The following EBF1 variants were observed in gnomAD, a reference collection of about 807,000 sequenced individuals.
EBF1 encodes the protein transcription factor COE1.
EBF1 carries 10 observed loss-of-function variants against 68.4 expected under a neutral mutation model. The ratio of observed to expected loss-of-function variants is 0.15; its 90% confidence interval spans 0.09 to 0.25. The LOEUF (loss-of-function observed/expected upper bound fraction) is 0.25. Among genes scored for constraint, EBF1 ranks in the 10% least tolerant of loss-of-function variants. EBF1 has a pLI of 1.00. For missense variants in EBF1, 509 were observed against 794.4 expected, an observed-to-expected ratio of 0.64 and a Z score of 4.32; for synonymous variants, 298 against 299.8, an observed-to-expected ratio of 0.99 and a Z score of 0.06.
chr5:158,810,231 C>T (rs1173541465), intron 8 of EBF1, among the ~76,000 whole-genome samples: 1 of 152,156 alleles, frequency 6.6e-6, no homozygotes, highest in African/African-American at 2.4e-5. Context: ...GATATATCCC[C>T]CTCACCCACC....
intron 6 of EBF1, among the ~76,000 whole-genome samples, chr5:159,014,399 C>T (rs986543610): frequency 1.3e-5 from 2 of 152,148 alleles, no homozygotes; most frequent in African/African-American, 4.8e-5. Flanking sequence ...TTAAATGATG[C>T]CAACTATAGG....
chr5:158,713,300 C>T (rs1759869732), intron 12 of EBF1, among the ~76,000 whole-genome samples, 153 bp from the exon 13 acceptor site: 1 of 152,152 alleles, frequency 6.6e-6, no homozygotes, highest in Non-Finnish European at 1.5e-5. Flanking sequence ...ATTAGTCTCA[C>T]CATCATCATG....
chr5:158,924,614 A>G (rs538795243), intron 6 of EBF1, among the ~76,000 whole-genome samples: 1 of 152,192 alleles, frequency 6.6e-6, no homozygotes, highest in African/African-American at 2.4e-5. Context: ...GCAGTTTGGA[A>G]GGCCGAGGCG....
intron 6 of EBF1, among the ~76,000 whole-genome samples, chr5:159,037,755 A>T (rs974942063): frequency 6.6e-6 from 1 of 151,236 alleles, no homozygotes; most frequent in African/African-American, 2.4e-5. Flanking sequence ...ATGTATACAT[A>T]TGTAACTAAC....
At chr5:158,846,885 G>T (rs1168466328) in intron 6 of EBF1, among the ~76,000 whole-genome samples, 1 of 152,160 alleles carries the variant, frequency 6.6e-6, no homozygotes, top group Non-Finnish European at 1.5e-5. Context: ...CAATCATTCT[G>T]TTTGAGAGGT....
intron 6 of EBF1, among the ~76,000 whole-genome samples, chr5:158,963,463 C>G (rs1318855339): frequency 1.3e-5 from 2 of 152,182 alleles, no homozygotes; most frequent in African/African-American, 4.8e-5. Flanking sequence ...CTCCGAAGTC[C>G]ATGACAAAGG....
chr5:158,714,531 G>A (rs139940529), intron 11 of EBF1, among the ~76,000 whole-genome samples: 185 of 152,228 alleles, frequency 1.2e-3, no homozygotes, highest in Non-Finnish European at 2.4e-3. Flanking sequence ...GAATCCCTAA[G>A]ATGTGTTTAT....
At chr5:158,789,698 G>A (rs148816795) in intron 9 of EBF1, among the ~76,000 whole-genome samples, 57 of 152,228 alleles carry the variant, frequency 3.7e-4, no homozygotes, top group African/African-American at 1.3e-3. Flanking sequence ...ATACTTGACT[G>A]AAAAAAGGTT....
chr5:158,883,197 T>C (rs1799229221), intron 6 of EBF1, among the ~76,000 whole-genome samples: 1 of 152,148 alleles, frequency 6.6e-6, no homozygotes, highest in Non-Finnish European at 1.5e-5. Flanking sequence ...TGTATATACA[T>C]GTATGCATAG....
chr5:159,060,188 C>CTAAAAA (rs1409724662), intron 6 of EBF1, among the ~76,000 whole-genome samples: 5 of 151,986 alleles, frequency 3.3e-5, no homozygotes, highest in Non-Finnish European at 7.4e-5. Flanking sequence ...TATGGAAATC[C>CTAAAAA]TAAAAATAAA....
At chr5:158,778,145 T>C (rs1167158793) in intron 9 of EBF1, among the ~76,000 whole-genome samples, 1 of 152,062 alleles carries the variant, frequency 6.6e-6, no homozygotes, top group African/African-American at 2.4e-5. Context: ...AAGGGAAGGC[T>C]GGGGAGGCTG....
At chr5:158,984,015 G>T (rs756148526) in intron 6 of EBF1, among the ~76,000 whole-genome samples, 122 of 151,314 alleles carry the variant, frequency 8.1e-4, no homozygotes, top group Non-Finnish European at 7.4e-4. Context: ...TAAAATGCTG[G>T]TTACTGTTAT....
At chr5:159,094,939 T>C (rs1458974800) in intron 4 of EBF1, among the ~76,000 whole-genome samples, 1 of 152,198 alleles carries the variant, frequency 6.6e-6, no homozygotes. Flanking sequence ...TCAACCTTAA[T>C]GTATACTGCT....
At chr5:158,894,723 C>T (rs1215743678) in intron 6 of EBF1, among the ~76,000 whole-genome samples, 2 of 152,166 alleles carry the variant, frequency 1.3e-5, no homozygotes, top group African/African-American at 4.8e-5. Flanking sequence ...GACAGGTAAT[C>T]CAACGTCCCT....
intron 6 of EBF1, among the ~76,000 whole-genome samples, chr5:158,948,713 C>T (rs919200524): frequency 1.3e-5 from 2 of 152,224 alleles, no homozygotes; most frequent in Non-Finnish European, 2.9e-5. Flanking sequence ...CTCCAGTCTC[C>T]AGCCCTGCTC....
At chr5:158,928,524 A>C (rs1047911171) in intron 6 of EBF1, among the ~76,000 whole-genome samples, 2 of 152,206 alleles carry the variant, frequency 1.3e-5, no homozygotes, top group African/African-American at 4.8e-5. Context: ...GAGCTATAAC[A>C]CTGTCAGGCT....
intron 4 of EBF1, among the ~76,000 whole-genome samples, chr5:159,091,361 A>G (rs567683100): frequency 6.6e-6 from 1 of 152,280 alleles, no homozygotes; most frequent in African/African-American, 2.4e-5. Context: ...ATTTTCCCAA[A>G]CACAGGTCCT....
intron 6 of EBF1, among the ~76,000 whole-genome samples, chr5:159,046,335 G>A (rs1772393369): frequency 6.6e-6 from 1 of 152,136 alleles, no homozygotes; most frequent in East Asian, 1.9e-4. Context: ...CAATAATCTT[G>A]TTGAATTGAA....
At chr5:158,786,767 G>A (rs1777531396) in intron 9 of EBF1, among the ~76,000 whole-genome samples, 1 of 152,108 alleles carries the variant, frequency 6.6e-6, no homozygotes, top group African/African-American at 2.4e-5. Flanking sequence ...TTATGGAAGG[G>A]GATGAATGCT....
Sources: allele counts gnomAD v4.1 joint callset (sites outside exome capture counted in the v4.1 genomes callset), GRCh38; gene constraint gnomAD v4.1.1; transcripts MANE v1.5; gene names NCBI Gene and HGNC (gene_info 2026-07-23, HGNC 2026-07-21).